The following DNAH5 variants were observed in gnomAD, a reference collection of about 807,000 sequenced individuals.
DNAH5 encodes the protein axonemal beta dynein heavy chain 5.
A neutral mutation model predicts 518.2 loss-of-function variants in DNAH5; 372 were observed. The ratio of observed to expected loss-of-function variants is 0.72; its 90% CI spans 0.66 to 0.78. The LOEUF is 0.78. Ranked by LOEUF, DNAH5 falls within the 30% of genes least tolerant of loss-of-function variation. The pLI is 0.00. For synonymous variants in DNAH5, 2,039 were observed against 2,025.9 expected, an observed-to-expected ratio of 1.01 and a Z score of -0.17; for missense variants, 5,523 against 5,687.0, an observed-to-expected ratio of 0.97 and a Z score of 0.93.
intron 75 of DNAH5, 141 bp from the exon 76 acceptor site, chr5:13,708,476 G>GAAAA: frequency 1.6e-6 from 1 of 622,720 alleles, no homozygotes; most frequent in Non-Finnish European, 2.6e-6. Flanking sequence ...ATGGCAAAAA[G>GAAAA]AAAAAAAAAA....
chr5:13,844,752 T>C (rs1407032363), intron 32 of DNAH5, 85 bp downstream of exon 32: 1 of 1,573,822 alleles, frequency 6.4e-7, no homozygotes, highest in Non-Finnish European at 8.7e-7. Flanking sequence ...ACCCTTGTTA[T>C]AAACCCGTTT....
chr5:13,847,989 G>A (rs747992295), intron 31 of DNAH5, among the ~76,000 whole-genome samples: 4 of 152,074 alleles, frequency 2.6e-5, no homozygotes, highest in East Asian at 1.9e-4. Flanking sequence ...CCCTTTTCTC[G>A]TTCTCTCTGA....
intron 43 of DNAH5, 74 bp downstream of exon 43, chr5:13,814,531 T>A: frequency 6.7e-7 from 1 of 1,491,662 alleles, no homozygotes; most frequent in Non-Finnish European, 9.3e-7. Flanking sequence ...GCAGAAAAAT[T>A]GGCACACACA....
intron 78 of DNAH5, among the ~76,000 whole-genome samples, chr5:13,696,981 A>G (rs1231352856): frequency 6.6e-6 from 1 of 152,180 alleles, no homozygotes; most frequent in Non-Finnish European, 1.5e-5. Context: ...AATCATAAAG[A>G]ATTGCCAGTA....
chr5:13,784,836 G>A (rs960718250), intron 52 of DNAH5, among the ~76,000 whole-genome samples: 1 of 152,076 alleles, frequency 6.6e-6, no homozygotes, highest in South Asian at 2.1e-4. Flanking sequence ...AGTCACATAA[G>A]TTTTCAAATA....
At chr5:13,813,244 A>G (rs933295280) in intron 43 of DNAH5, among the ~76,000 whole-genome samples, 1 of 152,236 alleles carries the variant, frequency 6.6e-6, no homozygotes, top group Non-Finnish European at 1.5e-5. Flanking sequence ...CAGTCTCAGT[A>G]TGGACAGACT....
chr5:13,878,799 T>C (rs1215711444), intron 21 of DNAH5, among the ~76,000 whole-genome samples: 1 of 152,140 alleles, frequency 6.6e-6, no homozygotes, highest in Non-Finnish European at 1.5e-5. Flanking sequence ...AGCCTGAACA[T>C]GATGGCAGGC....
rs34028417 is a variant in DNAH5 at position 13,732,120 on chromosome 5, C to CA, written c.11762-2561dup. ...GGGTGACAGAGCAAGACTCTGTCTTCAAAAAAAAAAAAAAAAAATGGAAAT... is the reference window on the plus strand; with the variant it reads ...GGGTGACAGAGCAAGACTCTGTCTTCAAAAAAAAAAAAAAAAAAATGGAAAT... On this transcript the variant is annotated intron_variant, in intron 68 of 78. Transcript: ENST00000265104. 2.6e-3 allele frequency among the ~76,000 whole-genome samples: 326 copies of CA among 124,862 alleles called. 2 individuals are homozygous for CA. In the South Asian group the frequency reaches 0.03, roughly 12 times the overall value. 81.9% of individuals were successfully genotyped at this position (124,862 alleles called of 152,430 possible). A position where few individuals can be genotyped will look rare whatever the true frequency, so the allele number is the denominator to read the frequency against.
intron 5 of DNAH5, among the ~76,000 whole-genome samples, chr5:13,921,475 T>TCTCTCACA (rs1554103992): frequency 1.4e-5 from 1 of 73,698 alleles, no homozygotes; most frequent in Non-Finnish European, 2.9e-5. Context: ...TATCTCTCTC[T>TCTCTCACA]CACACACACA....
At chr5:13,789,614 C>T (rs1418907190) in intron 50 of DNAH5, among the ~76,000 whole-genome samples, 2 of 152,136 alleles carry the variant, frequency 1.3e-5, no homozygotes, top group East Asian at 1.9e-4. Flanking sequence ...TGATAGAATG[C>T]TATCTGGTTG....
rs759999227 is a variant in DNAH5, at chr5:13,701,288, C to T, written c.13487G>A (p.Arg4496Gln). The T allele has an allele frequency of 9.3e-6, 15 of 1,613,748 alleles. No individual in the cohort carries two copies. In the East Asian group the frequency reaches 1.6e-4, roughly 17 times the overall value. Reference protein sequence around the residue: ...FNPQGFLTAMRQEITRANKGW... With the variant: ...FNPQGFLTAMQQEITRANKGW... ...GGTGCAAATCAGAGCTCTTACCTGT[C>T]GCATTGCAGTTAAAAATCCCTGGGG... Residue 4496 changes from arginine to glutamine, a missense_variant, in exon 77 of 79, where the codon CGA becomes CAA. Physicochemically the swap from Arg to Gln is conservative, Grantham distance 43. Coordinates refer to ENST00000265104, the MANE Select transcript of DNAH5 (RefSeq NM_001369.3).
chr5:13,923,584 A>C, intron 3 of DNAH5, 144 bp from the exon 4 acceptor site: 2 of 855,084 alleles, frequency 2.3e-6, no homozygotes, highest in South Asian at 2.9e-5. Context: ...AACAATCTCT[A>C]GCATGAGCCG....
chr5:13,985,871 G>C (rs940069200), intron 1 of DNAH5, among the ~76,000 whole-genome samples: 2 of 152,162 alleles, frequency 1.3e-5, no homozygotes, highest in Non-Finnish European at 2.9e-5. Context: ...AAATGGCCCG[G>C]GCTCTGTGCC....
Position 13,792,228 on chromosome 5 carries a change from G to A in DNAH5, c.8225-11C>T. 5 of 1,602,518 alleles carry A rather than the reference G, an allele frequency of 3.1e-6. No homozygotes were observed. Among genetic ancestry groups the A allele is most frequent in the Non-Finnish European group, 4.3e-6 (5 of 1,170,010 alleles). ...CTACCCCAATCACACCTGAAAAGGG[G>A]GAAATTACAGCATTTTGATTAGCCA... On this transcript the variant is annotated splice_polypyrimidine_tract_variant and intron_variant, in intron 49 of 78. Coordinates refer to ENST00000265104, the MANE Select transcript of DNAH5 (RefSeq NM_001369.3).
intron 35 of DNAH5, among the ~76,000 whole-genome samples, chr5:13,836,905 G>T (rs1360554312): frequency 2.6e-5 from 4 of 152,192 alleles, no homozygotes; most frequent in African/African-American, 9.6e-5. Flanking sequence ...AGCACGAAAG[G>T]CACCTGACCC....
At chr5:13,785,423 T>G (rs1190864385) in intron 52 of DNAH5, among the ~76,000 whole-genome samples, 41 of 152,324 alleles carry the variant, frequency 2.7e-4, no homozygotes, top group Non-Finnish European at 5.9e-5. Context: ...AATTATACTT[T>G]CATGGTGGAT....
chr5:13,920,962 T>C (rs566834119), intron 5 of DNAH5, among the ~76,000 whole-genome samples: 4 of 147,680 alleles, frequency 2.7e-5, no homozygotes, highest in Non-Finnish European at 5.9e-5. Flanking sequence ...ACTGCTTTTT[T>C]AGATAGAATG....
intron 35 of DNAH5, among the ~76,000 whole-genome samples, chr5:13,838,294 G>A (rs925339921): frequency 1.3e-5 from 2 of 152,164 alleles, no homozygotes; most frequent in Middle Eastern, 3.2e-3. Context: ...GGAGCTGAAT[G>A]AGGACAGAGT....
At chr5:13,737,897 A>G (rs1747786755) in intron 65 of DNAH5, among the ~76,000 whole-genome samples, 1 of 152,080 alleles carries the variant, frequency 6.6e-6, no homozygotes, top group Non-Finnish European at 1.5e-5. Context: ...ACCTGTCTCT[A>G]CTAAAATACA....
Sources: allele counts gnomAD v4.1 joint callset (sites outside exome capture counted in the v4.1 genomes callset), GRCh38; gene constraint gnomAD v4.1.1; transcripts MANE v1.5; gene names NCBI Gene and HGNC (gene_info 2026-07-23, HGNC 2026-07-21).